The following HRH2 variants were observed in gnomAD, a reference collection of about 807,000 sequenced individuals.
The protein encoded by HRH2 is histamine receptor H2.
In HRH2, 4 loss-of-function variants were observed where a neutral mutation model predicts 20.1. The observed-to-expected ratio is 0.20, with a 90% CI of 0.10 to 0.45. HRH2 has a LOEUF of 0.45. Among genes scored for constraint, HRH2 ranks in the 20% least tolerant of loss-of-function variants. HRH2 has a pLI of 0.99. For missense variants in HRH2, 250 were observed against 461.6 expected, an observed-to-expected ratio of 0.54 and a Z score of 4.20; for synonymous variants, 197 against 200.7, an observed-to-expected ratio of 0.98 and a Z score of 0.16.
At chr5:175,707,212 C>A (rs1756968341) in intron 2 of HRH2, among the ~76,000 whole-genome samples, 1 of 152,166 alleles carries the variant, frequency 6.6e-6, no homozygotes, top group Non-Finnish European at 1.5e-5. Context: ...CACTTGAGCC[C>A]AGGAGTTCAA....
rs145024185 is a variant in HRH2, at chr5:175,703,488, G to A, written c.1077-4291G>A. Among the ~76,000 whole-genome samples the A allele has an allele frequency of 1.4e-3, 212 of 152,060 alleles. 2 individuals are homozygous for A. Among genetic ancestry groups the A allele is most frequent in the African/African-American group, 4.9e-3 (204 of 41,482 alleles). On this transcript the variant is annotated intron_variant, in intron 2 of 2. Transcript: ENST00000636584. ...TTTAAAAGCAAATTTGAAATTTAAC[G>A]ATTTAAACAGCCAATTTAGGAAGTT...
At chr5:175,688,967 A>G (rs1166194775) in intron 2 of HRH2, among the ~76,000 whole-genome samples, 1 of 152,068 alleles carries the variant, frequency 6.6e-6, no homozygotes, top group Non-Finnish European at 1.5e-5. Flanking sequence ...GCCCTTCCTC[A>G]TGCCTGCACA....
intron 2 of HRH2, among the ~76,000 whole-genome samples, chr5:175,706,655 GC>G (rs918590213): frequency 4.6e-5 from 7 of 152,224 alleles, no homozygotes; most frequent in African/African-American, 1.7e-4. Flanking sequence ...GCTCTGAAAT[GC>G]CAGAGGGATG....
intron 2 of HRH2, among the ~76,000 whole-genome samples, chr5:175,688,606 C>G (rs554580115): frequency 6.6e-6 from 1 of 152,328 alleles, no homozygotes; most frequent in East Asian, 1.9e-4. Context: ...TGGCCTGGGC[C>G]GCCAGCCTTA....
chr5:175,663,383 C>A (rs1044667627), intron 1 of HRH2, among the ~76,000 whole-genome samples: 2 of 152,142 alleles, frequency 1.3e-5, no homozygotes, highest in African/African-American at 2.4e-5. Flanking sequence ...ATTGTGGTTT[C>A]GGTTTACATT....
chr5:175,672,510 G>T (rs1755584607), intron 1 of HRH2, among the ~76,000 whole-genome samples: 1 of 152,120 alleles, frequency 6.6e-6, no homozygotes, highest in African/African-American at 2.4e-5. Flanking sequence ...CACATAATAG[G>T]GTTGTTGAAG....
intron 2 of HRH2, among the ~76,000 whole-genome samples, chr5:175,702,031 A>C (rs1396223949): frequency 6.6e-6 from 1 of 152,188 alleles, no homozygotes; most frequent in African/African-American, 2.4e-5. Context: ...GGTAATCTGT[A>C]CTAGAGTCTA....
At chr5:175,704,013 A>G (rs1756865853) in intron 2 of HRH2, 1 of 152,178 alleles carries the variant, frequency 6.6e-6, no homozygotes, top group South Asian at 2.1e-4. Flanking sequence ...AAAAATAAAT[A>G]CATAATATGA....
At chr5:175,682,111 C>T (rs1454989161) in intron 1 of HRH2, among the ~76,000 whole-genome samples, 2 of 152,356 alleles carry the variant, frequency 1.3e-5, no homozygotes, top group South Asian at 4.1e-4. Context: ...TCTGTCGGCA[C>T]GTCATCTGCA....
At chr5:175,706,539 T>G (rs1756945714) in intron 2 of HRH2, among the ~76,000 whole-genome samples, 1 of 152,150 alleles carries the variant, frequency 6.6e-6, no homozygotes, top group South Asian at 2.1e-4. Flanking sequence ...CAATGAGAGT[T>G]GCCTTCTCAG....
chr5:175,699,380 G>T (rs1383737117), intron 2 of HRH2, among the ~76,000 whole-genome samples: 1 of 152,134 alleles, frequency 6.6e-6, no homozygotes, highest in African/African-American at 2.4e-5. Flanking sequence ...GTTGTGGCTG[G>T]CCCCAAGGGC....
chr5:175,691,136 G>C (rs1756360136), intron 2 of HRH2: 1 of 152,120 alleles, frequency 6.6e-6, no homozygotes, highest in African/African-American at 2.4e-5. Flanking sequence ...CAGCTTCTCA[G>C]GGCCTGCACT....
At chr5:175,685,746 G>C in intron 2 of HRH2, 1 of 557,616 alleles carries the variant, frequency 1.8e-6, no homozygotes, top group Non-Finnish European at 3.2e-6. Flanking sequence ...GCTCACATGA[G>C]CGAAGGGACA....
At chr5:175,675,759 A>G (rs1184634182) in intron 1 of HRH2, among the ~76,000 whole-genome samples, 1 of 152,194 alleles carries the variant, frequency 6.6e-6, no homozygotes, top group Non-Finnish European at 1.5e-5. Flanking sequence ...CCCTCTGCTC[A>G]GCATACCCTT....
chr5:175,662,656 C>G (rs73802989), intron 1 of HRH2, among the ~76,000 whole-genome samples: 3,607 of 152,270 alleles, frequency 0.024, 144 homozygotes, highest in African/African-American at 0.081. Context: ...AACGTAAGAG[C>G]AGAGCGTTAT....
chr5:175,691,519 A>G (rs1351301303), intron 2 of HRH2, among the ~76,000 whole-genome samples: 4 of 152,130 alleles, frequency 2.6e-5, no homozygotes, highest in Non-Finnish European at 5.9e-5. Context: ...CTGCCTTCCC[A>G]GGGACCGTGA....
At chr5:175,704,603 C>T (rs1756886282) in intron 2 of HRH2, among the ~76,000 whole-genome samples, 1 of 151,844 alleles carries the variant, frequency 6.6e-6, no homozygotes, top group African/African-American at 2.4e-5. Flanking sequence ...TCCAGTAAGA[C>T]AAGAAAAATA....
intron 1 of HRH2, among the ~76,000 whole-genome samples, chr5:175,674,731 AC>A (rs1755698576): frequency 6.6e-6 from 1 of 151,922 alleles, no homozygotes; most frequent in South Asian, 2.1e-4. Context: ...ATGCCTTTGC[AC>A]CCCTCCTGAC....
rs1022970486 is a variant in HRH2 at position 175,659,719 on chromosome 5, G to T, written c.-526+1564G>T. On this transcript the variant is annotated intron_variant, in intron 1 of 2. Transcript: ENST00000636584. The stretch of plus-strand genomic sequence containing the variant: ...CCCAAAATATGACTGTATAAGTTGC[G>T]GCATAGCACAGGGCCTGGCACCTGG... Among the ~76,000 whole-genome samples the T allele has an allele frequency of 2.6e-5, 4 of 152,112 alleles. No homozygotes were observed. In the East Asian group the frequency reaches 7.7e-4, roughly 29 times the overall value.
Sources: allele counts gnomAD v4.1 joint callset (sites outside exome capture counted in the v4.1 genomes callset), GRCh38; gene constraint gnomAD v4.1.1; transcripts MANE v1.5; gene names NCBI Gene and HGNC (gene_info 2026-07-23, HGNC 2026-07-21).